The following KIAA0825 variants were observed in gnomAD, a reference collection of about 807,000 sequenced individuals.
The protein encoded by KIAA0825 is uncharacterized protein KIAA0825.
KIAA0825 carries 119 observed loss-of-function variants against 147.6 expected under a neutral mutation model. The observed-to-expected ratio is 0.81, with a 90% confidence interval of 0.69 to 0.94. KIAA0825 has a LOEUF of 0.94. Among genes scored for constraint, KIAA0825 ranks in the 40% least tolerant of loss-of-function variants. The pLI, the probability that KIAA0825 is intolerant of heterozygous loss-of-function variation, is 0.00. For missense variants in KIAA0825, 1,381 were observed against 1,472.7 expected, an observed-to-expected ratio of 0.94 and a Z score of 1.02; for synonymous variants, 470 against 518.1, an observed-to-expected ratio of 0.91 and a Z score of 1.26.
At chr5:94,480,872 G>A (rs1322261991) in intron 6 of KIAA0825, among the ~76,000 whole-genome samples, 1 of 151,888 alleles carries the variant, frequency 6.6e-6, no homozygotes, top group Admixed American at 6.6e-5. Flanking sequence ...ATTCTGTACA[G>A]GGAAGCAAAA....
chr5:94,349,417 C>T (rs778247651), intron 20 of KIAA0825, among the ~76,000 whole-genome samples: 1 of 151,848 alleles, frequency 6.6e-6, no homozygotes, highest in Non-Finnish European at 1.5e-5. Context: ...AGAAACAATA[C>T]CTTGGAACAA....
intron 2 of KIAA0825, among the ~76,000 whole-genome samples, chr5:94,539,964 T>C (rs1772953528): frequency 6.6e-6 from 1 of 152,096 alleles, no homozygotes; most frequent in South Asian, 2.1e-4. Context: ...TGGGGAGCTT[T>C]TCCTCCCCAA....
At chr5:94,553,698 G>A (rs571570100) in intron 2 of KIAA0825, among the ~76,000 whole-genome samples, 22 of 151,286 alleles carry the variant, frequency 1.5e-4, no homozygotes, top group Non-Finnish European at 2.2e-4. Flanking sequence ...CCTGGGAGGC[G>A]GAGGCTGCCG....
intron 2 of KIAA0825, among the ~76,000 whole-genome samples, chr5:94,563,605 A>G (rs961390511): frequency 6.6e-6 from 1 of 152,236 alleles, no homozygotes; most frequent in African/African-American, 2.4e-5. Flanking sequence ...TGACAATTGT[A>G]TCTTTGAAGT....
intron 14 of KIAA0825, among the ~76,000 whole-genome samples, chr5:94,423,104 T>C (rs1471161240): frequency 6.6e-6 from 1 of 152,160 alleles, no homozygotes; most frequent in Non-Finnish European, 1.5e-5. Context: ...TCTATTAGGG[T>C]AAGCTCTGCC....
At chr5:94,189,367 T>C (rs1770453549) in intron 20 of KIAA0825, among the ~76,000 whole-genome samples, 1 of 152,188 alleles carries the variant, frequency 6.6e-6, no homozygotes, top group Admixed American at 6.5e-5. Flanking sequence ...AAGATTTTCT[T>C]TCCTATGTTT....
intron 1 of KIAA0825, chr5:94,594,148 A>C (rs1784845796): frequency 3.6e-6 from 2 of 556,998 alleles, no homozygotes; most frequent in Non-Finnish European, 7.2e-6. Context: ...ATATCTGCTA[A>C]AGGTAATTTT....
intron 6 of KIAA0825, among the ~76,000 whole-genome samples, chr5:94,478,968 A>G (rs1440568098): frequency 6.6e-6 from 1 of 152,146 alleles, no homozygotes; most frequent in African/African-American, 2.4e-5. Context: ...TCCAGTTTAC[A>G]AAAAAATTGA....
chr5:94,431,281 A>G (rs1005725804), intron 14 of KIAA0825, among the ~76,000 whole-genome samples: 1 of 152,262 alleles, frequency 6.6e-6, no homozygotes, highest in Non-Finnish European at 1.5e-5. Flanking sequence ...CCATTTAGAA[A>G]TGAGAAAATG....
At position 94,214,713 on chromosome 5, in the gene KIAA0825, G is replaced by A. The variant is rs181704278; in HGVS notation, c.3711-60589C>T. On this transcript the variant is annotated intron_variant, in intron 20 of 20. Coordinates refer to ENST00000682413, the MANE Select transcript of KIAA0825 (RefSeq NM_001145678.3). ...ATTTTAGCATTTTAGAAGTTAAAAT[G>A]CCTCAATTCAATTGAAAGGCAGAGA... Among the ~76,000 whole-genome samples, 3 of 152,278 alleles carry A rather than the reference G, an allele frequency of 2.0e-5. No individual in the cohort carries two copies. In the East Asian group the frequency reaches 5.8e-4, roughly 29 times the overall value.
At chr5:94,155,410 G>C (rs1393352617) in intron 20 of KIAA0825, among the ~76,000 whole-genome samples, 1 of 151,038 alleles carries the variant, frequency 6.6e-6, no homozygotes, top group Non-Finnish European at 1.5e-5. Flanking sequence ...GTAGAGACAG[G>C]GTCTCCCCTA....
intron 20 of KIAA0825, among the ~76,000 whole-genome samples, chr5:94,319,392 A>C (rs1344023059): frequency 6.6e-6 from 1 of 151,886 alleles, no homozygotes; most frequent in Non-Finnish European, 1.5e-5. Context: ...TATGCTGATT[A>C]CAGCCCACTA....
At chr5:94,524,385 T>C (rs990403311) in intron 3 of KIAA0825, among the ~76,000 whole-genome samples, 2 of 151,742 alleles carry the variant, frequency 1.3e-5, no homozygotes, top group East Asian at 3.9e-4. Flanking sequence ...TGCAATTCGA[T>C]AATAGCCCTC....
chr5:94,330,784 G>C (rs555094534), intron 20 of KIAA0825, among the ~76,000 whole-genome samples: 82 of 152,194 alleles, frequency 5.4e-4, no homozygotes, highest in African/African-American at 1.7e-3. Flanking sequence ...AACCTTTTCA[G>C]ACTTTCTTCC....
chr5:94,511,665 C>T (rs1766497949), intron 5 of KIAA0825, among the ~76,000 whole-genome samples: 1 of 151,770 alleles, frequency 6.6e-6, no homozygotes, highest in Non-Finnish European at 1.5e-5. Context: ...TGTTAAATAA[C>T]AATTTTGGGG....
chr5:94,208,517 A>G (rs1309983173), intron 20 of KIAA0825, among the ~76,000 whole-genome samples: 1 of 152,242 alleles, frequency 6.6e-6, no homozygotes, highest in Non-Finnish European at 1.5e-5. Flanking sequence ...GATAAAGCAC[A>G]TATACAGGTA....
chr5:94,188,300 G>T (rs984422870), intron 20 of KIAA0825, among the ~76,000 whole-genome samples: 2 of 152,160 alleles, frequency 1.3e-5, no homozygotes, highest in African/African-American at 4.8e-5. Context: ...TTGATACTTT[G>T]AGGCATTTAT....
chr5:94,404,502 G>A (rs993827170), intron 15 of KIAA0825, among the ~76,000 whole-genome samples: 3 of 150,538 alleles, frequency 2.0e-5, no homozygotes, highest in African/African-American at 7.3e-5. Flanking sequence ...AATTAACTCA[G>A]TGTTAGAATC....
At chr5:94,404,299 T>C (rs915236169) in intron 15 of KIAA0825, among the ~76,000 whole-genome samples, 1 of 152,130 alleles carries the variant, frequency 6.6e-6, no homozygotes, top group African/African-American at 2.4e-5. Flanking sequence ...AAAATTAAAG[T>C]AGGTTAGAAA....
Sources: gnomAD v4.1 joint callset for allele counts (sites outside exome capture counted in the v4.1 genomes callset) on GRCh38, gnomAD v4.1.1 for gene constraint, MANE v1.5 for transcripts, NCBI Gene and HGNC (gene_info 2026-07-23, HGNC 2026-07-21) for gene names.